AGBL1: variants seen among roughly 807,000 people sequenced by gnomAD.
AGBL1 encodes the protein AGBL carboxypeptidase 1, also known as cytosolic carboxypeptidase 4.
A neutral mutation model predicts 118.9 loss-of-function variants in AGBL1; 130 were observed. That is an observed-to-expected ratio of 1.09 (90% CI 0.95 to 1.26). AGBL1 has a LOEUF of 1.26. AGBL1 is among the 50% of genes most tolerant of loss of function. The pLI is 0.00. For synonymous variants in AGBL1, 555 were observed against 478.9 expected, an observed-to-expected ratio of 1.16 and a Z score of -2.08; for missense variants, 1,584 against 1,298.1, an observed-to-expected ratio of 1.22 and a Z score of -3.38.
chr15:86,990,764 A>G (rs1275849021), intron 24 of AGBL1, among the ~76,000 whole-genome samples: 1 of 152,146 alleles, frequency 6.6e-6, no homozygotes, highest in African/African-American at 2.4e-5. Flanking sequence ...AGGCTGGGGA[A>G]CATCAAACAA....
At chr15:86,311,571 C>T (rs2079921716) in intron 17 of AGBL1, among the ~76,000 whole-genome samples, 1 of 152,060 alleles carries the variant, frequency 6.6e-6, no homozygotes, top group Admixed American at 6.5e-5. Context: ...ATTAAGATTC[C>T]AACCAAAACC....
chr15:86,320,091 T>C (rs2141841565), intron 17 of AGBL1, among the ~76,000 whole-genome samples: 1 of 152,270 alleles, frequency 6.6e-6, no homozygotes, highest in South Asian at 2.1e-4. Flanking sequence ...TTGGCCTCTT[T>C]CACTTCTAAA....
intron 18 of AGBL1, among the ~76,000 whole-genome samples, chr15:86,472,752 C>T (rs754307843): frequency 6.6e-6 from 1 of 152,154 alleles, no homozygotes; most frequent in African/African-American, 2.4e-5. Context: ...AGCCCCGTCT[C>T]TACTAAAAAT....
intron 19 of AGBL1, among the ~76,000 whole-genome samples, chr15:86,525,105 T>C (rs1410727409): frequency 6.6e-6 from 1 of 151,128 alleles, no homozygotes; most frequent in Non-Finnish European, 1.5e-5. Flanking sequence ...TGTATACCAA[T>C]AACAACCAGC....
chr15:86,972,859 G>C (rs944976377), intron 23 of AGBL1, among the ~76,000 whole-genome samples: 1 of 151,644 alleles, frequency 6.6e-6, no homozygotes, highest in Admixed American at 6.6e-5. Flanking sequence ...ATTTTTCTGA[G>C]TTTTTTTTCT....
chr15:86,178,731 A>C lies in AGBL1; in HGVS notation c.488+19705A>C, dbSNP rs368986969. On this transcript the variant is annotated intron_variant, in intron 5 of 22. Coordinates refer to ENST00000614907, the MANE Select transcript of AGBL1 (RefSeq NM_001386094.1). ...AGAGACAATATTTTCTAACTTATTC[A>C]ATGAAGCCAGCGTTACCCTGATACC... Among the ~76,000 whole-genome samples the C allele has an allele frequency of 1.5e-3, 232 of 152,352 alleles. 4 individuals are homozygous for C. In the South Asian group the frequency reaches 0.046, roughly 30 times the overall value.
intron 1 of AGBL1, among the ~76,000 whole-genome samples, chr15:86,137,898 G>C (rs2076910660): frequency 6.6e-6 from 1 of 152,118 alleles, no homozygotes; most frequent in African/African-American, 2.4e-5. Flanking sequence ...CAATTTAATT[G>C]ATTTGTATAT....
chr15:86,321,532 G>T (rs917596182), intron 17 of AGBL1, among the ~76,000 whole-genome samples: 2 of 152,014 alleles, frequency 1.3e-5, no homozygotes, highest in African/African-American at 2.4e-5. Flanking sequence ...ACTTTGGGAG[G>T]CTGAGGCAGG....
intron 21 of AGBL1, among the ~76,000 whole-genome samples, chr15:86,614,353 C>T (rs2084694995): frequency 6.6e-6 from 1 of 152,112 alleles, no homozygotes. Flanking sequence ...ACATGAATAC[C>T]CAATACCTGG....
intron 17 of AGBL1, among the ~76,000 whole-genome samples, chr15:86,335,671 T>G (rs1431852682): frequency 6.6e-6 from 1 of 152,204 alleles, no homozygotes; most frequent in East Asian, 1.9e-4. Flanking sequence ...ACACAGTCCT[T>G]GATTATTGTT....
intron 22 of AGBL1, among the ~76,000 whole-genome samples, chr15:86,769,912 T>C: frequency 6.6e-6 from 1 of 151,844 alleles, no homozygotes; most frequent in East Asian, 1.9e-4. Flanking sequence ...GATGACTGGG[T>C]TCTAGTGCAT....
In AGBL1 at chr15:86,998,845, AT is replaced by A. The variant is rs556968642; in HGVS notation, c.3323+10763del. Among the ~76,000 whole-genome samples, 217 of 151,592 alleles carry A rather than the reference AT, an allele frequency of 1.4e-3. 1 individual carries two copies. The highest frequency in any genetic ancestry group is 5.0e-3 in the African/African-American group (206 of 41,360). Reference sequence around the variant, plus strand: ...TGACATGGAGCCAAGATTTTACTTTATTTTTTCTTTTATATATATATATATT... The same window carrying A: ...TGACATGGAGCCAAGATTTTACTTTATTTTTCTTTTATATATATATATATT... On this transcript the variant is annotated intron_variant, in intron 24 of 24. Coordinates refer to the AGBL1 transcript ENST00000441037.
intron 22 of AGBL1, among the ~76,000 whole-genome samples, chr15:86,683,369 G>C (rs1567120268): frequency 6.6e-6 from 1 of 152,126 alleles, no homozygotes; most frequent in African/African-American, 2.4e-5. Context: ...GTAACCCATG[G>C]TGAATTGAAA....
At chr15:87,009,940 CT>C (rs1440988694) in intron 24 of AGBL1, among the ~76,000 whole-genome samples, 1 of 152,154 alleles carries the variant, frequency 6.6e-6, no homozygotes, top group Admixed American at 6.5e-5. Flanking sequence ...ATTTTACATG[CT>C]CATATGCAGA....
intron 22 of AGBL1, among the ~76,000 whole-genome samples, chr15:86,788,335 T>G (rs2078444537): frequency 6.6e-6 from 1 of 152,244 alleles, no homozygotes; most frequent in South Asian, 2.1e-4. Context: ...TGCCAGGCTG[T>G]GTACCAAGTT....
chr15:86,193,951 T>C (rs1456470264), intron 5 of AGBL1, among the ~76,000 whole-genome samples: 1 of 152,164 alleles, frequency 6.6e-6, no homozygotes, highest in African/African-American at 2.4e-5. Flanking sequence ...CCGGGGTCAG[T>C]TTCTGAGTCC....
chr15:86,873,921 A>T (rs1224359889), intron 22 of AGBL1, among the ~76,000 whole-genome samples: 2 of 152,196 alleles, frequency 1.3e-5, no homozygotes, highest in Non-Finnish European at 2.9e-5. Context: ...AGTAGTTATA[A>T]TAGAAAGAAC....
chr15:86,788,375 G>C (rs987619047), intron 22 of AGBL1, among the ~76,000 whole-genome samples: 5 of 152,314 alleles, frequency 3.3e-5, no homozygotes, highest in Middle Eastern at 3.4e-3. Context: ...AGATGACACA[G>C]AACTTGACCT....
chr15:86,205,140 A>C (rs2077970921), intron 5 of AGBL1, among the ~76,000 whole-genome samples: 1 of 152,238 alleles, frequency 6.6e-6, no homozygotes, highest in Non-Finnish European at 1.5e-5. Flanking sequence ...CTTTAACCCC[A>C]GGCAACCACT....
Sources: gnomAD v4.1 joint callset for allele counts (sites outside exome capture counted in the v4.1 genomes callset) on GRCh38, gnomAD v4.1.1 for gene constraint, MANE v1.5 for transcripts, NCBI Gene and HGNC (gene_info 2026-07-23, HGNC 2026-07-21) for gene names.